EYS: variants seen among roughly 807,000 people sequenced by gnomAD.
EYS encodes protein eyes shut homolog.
EYS carries 250 observed loss-of-function variants against 282.1 expected under a neutral mutation model. That is an observed-to-expected ratio of 0.89 (90% CI 0.80 to 0.98). EYS has a LOEUF of 0.98. EYS is among the 50% of genes least tolerant of loss of function. The pLI is 0.00. For missense variants in EYS, 4,016 were observed against 3,709.0 expected (o/e 1.08, Z -2.15); for synonymous variants, 1,355 against 1,282.9 (o/e 1.06, Z -1.20).
chr6:64,347,174 C>T (rs1771438527), intron 29 of EYS, among the ~76,000 whole-genome samples: 1 of 151,230 alleles, frequency 6.6e-6, no homozygotes, highest in Non-Finnish European at 1.5e-5. Flanking sequence ...ACCTATAGAT[C>T]AAATGATATT....
At chr6:65,145,574 T>C (rs1210592010) in intron 12 of EYS, among the ~76,000 whole-genome samples, 1 of 151,022 alleles carries the variant, frequency 6.6e-6, no homozygotes, top group Non-Finnish European at 1.5e-5. Flanking sequence ...AATTCAGGGA[T>C]TGGATGATGC....
intron 12 of EYS, among the ~76,000 whole-genome samples, chr6:65,206,474 C>T (rs74846841): frequency 0.042 from 6,443 of 151,696 alleles, 186 homozygotes; most frequent in Middle Eastern, 0.065. Context: ...GAGCTGCTAC[C>T]AATCTTACTG....
chr6:64,061,975 A>C (rs1771187532), intron 33 of EYS, among the ~76,000 whole-genome samples: 1 of 152,124 alleles, frequency 6.6e-6, no homozygotes, highest in South Asian at 2.1e-4. Context: ...AAAAAAAAAA[A>C]AAAGTTTTTA....
At position 64,122,782 on chromosome 6, in the gene EYS, G is replaced by A. The variant is rs1773633508; in HGVS notation, c.6425-40780C>T. ...TAAAGATTAATTCTTCGTAGACTAT[G>A]CAAATATAGTTGCATTATTGGGATC... On this transcript the variant is annotated intron_variant, in intron 31 of 42. Coordinates refer to ENST00000503581, the MANE Select transcript of EYS (RefSeq NM_001142800.2). Among the ~76,000 whole-genome samples the A allele has an allele frequency of 5.9e-5, 9 of 151,880 alleles. No homozygotes were observed. The South Asian group carries it at 1.9e-3, about 32-fold the overall frequency.
chr6:63,865,769 A>T (rs943420737), intron 35 of EYS, among the ~76,000 whole-genome samples: 1 of 152,160 alleles, frequency 6.6e-6, no homozygotes, highest in African/African-American at 2.4e-5. Flanking sequence ...TTTTTTCATC[A>T]TAATGAGACC....
chr6:65,535,015 A>G lies in EYS; in HGVS notation c.-332-39022T>C, dbSNP rs369737963. 3.0e-4 allele frequency among the ~76,000 whole-genome samples: 45 copies of G among 152,294 alleles called. 1 individual carries two copies. In the East Asian group the frequency reaches 6.6e-3, roughly 22 times the overall value. On this transcript the variant is annotated intron_variant, in intron 2 of 42. Coordinates refer to ENST00000503581, the MANE Select transcript of EYS (RefSeq NM_001142800.2). ...TCTGGAAAATGTGCTTGTATTAGTC[A>G]GGGTTCTCCAGGAAAACAAAAGCAA... is the stretch of plus-strand genomic sequence containing the variant.
chr6:63,852,519 C>A (rs1405793762), intron 36 of EYS, among the ~76,000 whole-genome samples: 1 of 152,084 alleles, frequency 6.6e-6, no homozygotes. Flanking sequence ...AAGCCCAGGA[C>A]CAGATGAATT....
chr6:63,862,287 G>A (rs1772554690), intron 36 of EYS, among the ~76,000 whole-genome samples: 1 of 152,122 alleles, frequency 6.6e-6, no homozygotes, highest in South Asian at 2.1e-4. Context: ...GGTAAGCTCT[G>A]TAAGGTCAGA....
At chr6:64,649,975 CA>C (rs1411398724) in intron 22 of EYS, among the ~76,000 whole-genome samples, 1 of 151,938 alleles carries the variant, frequency 6.6e-6, no homozygotes, top group Non-Finnish European at 1.5e-5. Flanking sequence ...ATAATTCCCC[CA>C]AACCAGAAAT....
chr6:64,240,363 T>C (rs1420655440), intron 30 of EYS, among the ~76,000 whole-genome samples: 2 of 152,244 alleles, frequency 1.3e-5, no homozygotes, highest in Non-Finnish European at 2.9e-5. Flanking sequence ...ATTTTCATGA[T>C]ATTGCTACTT....
chr6:65,401,851 C>T (rs1766513372), intron 7 of EYS, among the ~76,000 whole-genome samples: 1 of 151,844 alleles, frequency 6.6e-6, no homozygotes, highest in African/African-American at 2.4e-5. Flanking sequence ...TTACTTGAAG[C>T]AGTCAGATAA....
chr6:64,203,999 G>T (rs985981111), intron 31 of EYS, among the ~76,000 whole-genome samples: 2 of 152,036 alleles, frequency 1.3e-5, no homozygotes, highest in Non-Finnish European at 2.9e-5. Context: ...TGCCTTCCAA[G>T]GTTCTTATCT....
intron 19 of EYS, among the ~76,000 whole-genome samples, chr6:64,833,284 C>T (rs760654751): frequency 2.7e-4 from 41 of 151,894 alleles, no homozygotes; most frequent in South Asian, 6.2e-4. Context: ...TGAAAACATT[C>T]GGTTTTAGGT....
intron 36 of EYS, among the ~76,000 whole-genome samples, chr6:63,835,335 C>CTG (rs202213150): frequency 1.3e-5 from 2 of 148,938 alleles, no homozygotes; most frequent in Admixed American, 6.7e-5. Context: ...TATACTCTCT[C>CTG]TCTATATATA....
At chr6:64,086,573 G>A (rs1269546725) in intron 31 of EYS, among the ~76,000 whole-genome samples, 1 of 152,046 alleles carries the variant, frequency 6.6e-6, no homozygotes, top group African/African-American at 2.4e-5. Flanking sequence ...TTTGTAGAAC[G>A]TTCTTCCTCA....
intron 22 of EYS, among the ~76,000 whole-genome samples, chr6:64,657,629 G>T (rs1768798461): frequency 6.6e-6 from 1 of 152,040 alleles, no homozygotes; most frequent in Non-Finnish European, 1.5e-5. Flanking sequence ...AGTTTGGCTG[G>T]ATATGAAATT....
At position 64,590,403 on chromosome 6, in the gene EYS, C is replaced by A; in HGVS notation, c.5464G>T (p.Asp1822Tyr). ...VIRPDWPYFT[D>Y]YMTSLKKEVK... ...TCTTTTTTAAGAGAGGTCATATAAT[C>A]TGTAAAATATGGCCAATCTGGCCTA... Residue 1822 changes from aspartate (D) to tyrosine (Y), a missense_variant, in exon 26 of 43, where the codon GAT (aspartate) becomes TAT (tyrosine). Physicochemically the swap from Asp to Tyr is radical, Grantham distance 160. Coordinates refer to ENST00000503581, the MANE Select transcript of EYS (RefSeq NM_001142800.2). 2 of 1,551,378 alleles carry A rather than the reference C, an allele frequency of 1.3e-6. No individual in the cohort carries two copies.
chr6:64,102,131 C>T (rs560737699), intron 31 of EYS, among the ~76,000 whole-genome samples: 4 of 152,070 alleles, frequency 2.6e-5, no homozygotes, highest in Non-Finnish European at 5.9e-5. Flanking sequence ...GTGCTAGGAA[C>T]CCCTGGTCTA....
intron 31 of EYS, among the ~76,000 whole-genome samples, chr6:64,158,476 G>A (rs1304188834): frequency 6.6e-6 from 1 of 152,170 alleles, no homozygotes; most frequent in Non-Finnish European, 1.5e-5. Context: ...CTGCAGTGGT[G>A]AGTTGGAAGA....
Sources: allele counts gnomAD v4.1 joint callset (sites outside exome capture counted in the v4.1 genomes callset), GRCh38; gene constraint gnomAD v4.1.1; transcripts MANE v1.5; gene names NCBI Gene and HGNC (gene_info 2026-07-23, HGNC 2026-07-21).